YWHAE: variants seen among roughly 807,000 people sequenced by gnomAD.
YWHAE encodes the protein 14-3-3 protein epsilon.
In YWHAE, 4 loss-of-function variants were observed where a neutral mutation model predicts 30.1. The observed-to-expected ratio is 0.13, with a 90% CI of 0.07 to 0.30. The LOEUF (loss-of-function observed/expected upper bound fraction) is 0.30, where lower values mean the gene tolerates loss of function less well. Among genes scored for constraint, YWHAE ranks in the 10% least tolerant of loss-of-function variants. The pLI is 1.00. For missense variants in YWHAE, 121 were observed against 315.9 expected (o/e 0.38, Z 4.68); for synonymous variants, 118 against 111.8 (o/e 1.06, Z -0.35).
intron 1 of YWHAE, among the ~76,000 whole-genome samples, chr17:1,368,085 T>A (rs961220482): frequency 7.2e-5 from 11 of 151,820 alleles, no homozygotes; most frequent in Non-Finnish European, 1.2e-4. Context: ...ACCCCGTCTC[T>A]ACTAAAAATA....
chr17:1,366,778 C>T (rs1221265305), intron 1 of YWHAE, among the ~76,000 whole-genome samples: 2 of 151,940 alleles, frequency 1.3e-5, no homozygotes, highest in African/African-American at 4.8e-5. Context: ...CCCGTCTCTA[C>T]TAAAAATACA....
chr17:1,384,465 G>A (rs1228256184), intron 1 of YWHAE, among the ~76,000 whole-genome samples: 6 of 151,440 alleles, frequency 4.0e-5, no homozygotes, highest in African/African-American at 9.7e-5. Context: ...GCCAAGGCGG[G>A]CAGATCACAA....
At chr17:1,359,125 G>A (rs1480808879) in intron 4 of YWHAE, among the ~76,000 whole-genome samples, 1 of 151,688 alleles carries the variant, frequency 6.6e-6, no homozygotes, top group African/African-American at 2.4e-5. Context: ...GACAGTGCCA[G>A]GCTCTCCCTC....
intron 1 of YWHAE, among the ~76,000 whole-genome samples, chr17:1,381,594 C>A (rs930047176): frequency 1.3e-5 from 2 of 151,924 alleles, no homozygotes; most frequent in African/African-American, 4.8e-5. Flanking sequence ...GAATTTCAAA[C>A]TATCAACTAA....
At chr17:1,349,425 T>C (rs887201053) in intron 5 of YWHAE, among the ~76,000 whole-genome samples, 21 of 152,218 alleles carry the variant, frequency 1.4e-4, no homozygotes, top group Admixed American at 1.4e-3. Flanking sequence ...TATTCAGAGT[T>C]TGTTAGTTGT....
rs1437904128 is a variant in YWHAE, at chr17:1,344,804, C to A, written c.*643G>T. 8.6e-6 allele frequency: 2 copies of A among 233,040 alleles called. No individual in the cohort carries two copies. The highest frequency in any genetic ancestry group is 1.7e-5 in the Non-Finnish European group (2 of 117,746). 14.4% of individuals were successfully genotyped at this position (233,040 alleles called of 1,614,324 possible). ...AGGCTTTTCCATACCACCTTCAACGCTAACCTGCTTCAGTGGGAGAGTAAA... is the reference window on the plus strand; with the variant it reads ...AGGCTTTTCCATACCACCTTCAACGATAACCTGCTTCAGTGGGAGAGTAAA... On this transcript the variant is annotated 3_prime_UTR_variant, in exon 6 of 6. Coordinates refer to ENST00000264335, the MANE Select transcript of YWHAE (RefSeq NM_006761.5).
chr17:1,370,119 C>CTTTTTT (rs538497835), intron 1 of YWHAE, among the ~76,000 whole-genome samples: 9 of 76,348 alleles, frequency 1.2e-4, no homozygotes, highest in African/African-American at 3.6e-4. Context: ...CACAGAAAAA[C>CTTTTTT]TTTTTTTTTT....
Position 1,361,175 on chromosome 17 carries a change from T to C in YWHAE, c.495A>G (p.Pro165=), listed in dbSNP as rs2072858482. 1.2e-6 allele frequency: 2 copies of C among 1,614,016 alleles called. No individual in the cohort carries two copies. Among genetic ancestry groups the C allele is most frequent in the Non-Finnish European group, 1.7e-6 (2 of 1,180,038 alleles). Residue 165 remains proline, a synonymous_variant, in exon 4 of 6, where the codon CCA becomes CCG. Coordinates refer to ENST00000264335, the MANE Select transcript of YWHAE (RefSeq NM_006761.5). ...CAAGACCTAAGCGAATAGGATGCGT[T>C]GGTGGAAGTTCTGTCATTGCAATAT... ...ASDIAMTELP[P]THPIRLGLAL... is the part of the protein sequence containing the mutation.
At position 1,345,227 on chromosome 17, in the gene YWHAE, A is replaced by T; in HGVS notation, c.*220T>A. On this transcript the variant is annotated 3_prime_UTR_variant, in exon 6 of 6. Coordinates refer to ENST00000264335, the MANE Select transcript of YWHAE (RefSeq NM_006761.5). ...CTGTTAGTGTCTTAAAGAACCTAAA[A>T]GCTGGGACCAGTAAAATCCACAGAA... 1.7e-6 allele frequency: 1 copy of T among 574,898 alleles called. No homozygotes were observed. Among genetic ancestry groups the T allele is most frequent in the Non-Finnish European group, 3.1e-6 (1 of 326,796 alleles). The allele number at this position is 574,898 out of a possible 1,614,324, so 35.6% of individuals were successfully genotyped here. A position where few individuals can be genotyped will look rare whatever the true frequency, so the allele number is the denominator to read the frequency against.
At chr17:1,351,248 A>C (rs1484773660) in intron 5 of YWHAE, among the ~76,000 whole-genome samples, 1 of 151,912 alleles carries the variant, frequency 6.6e-6, no homozygotes, top group Non-Finnish European at 1.5e-5. Context: ...CTGTAGTCCC[A>C]GCTACTAGGG....
At chr17:1,392,825 GA>G (rs1394751348) in intron 1 of YWHAE, among the ~76,000 whole-genome samples, 1 of 150,652 alleles carries the variant, frequency 6.6e-6, no homozygotes, top group Non-Finnish European at 1.5e-5. Context: ...ACTCCAGCCT[GA>G]ATGACAAGAG....
chr17:1,346,749 A>G (rs7214298), intron 5 of YWHAE, among the ~76,000 whole-genome samples: 23,587 of 151,264 alleles, frequency 0.16, 2,346 homozygotes, highest in Admixed American at 0.26. Flanking sequence ...CACTTTGGGA[A>G]GCAAAGGCGG....
In YWHAE at chr17:1,379,269, GAGCTGAGGAGTCTA is replaced by G. The variant is rs528846134; in HGVS notation, c.65-14225_65-14212del. On this transcript the variant is annotated intron_variant, in intron 1 of 5. Coordinates refer to ENST00000264335, the MANE Select transcript of YWHAE (RefSeq NM_006761.5). ...GGAGGATGAAGCGGGCAGGCTGCTT[GAGCTGAGGAGTCTA>G]AGCCCAGTCTGGGGAGCACGGCAAA... 7.6e-4 allele frequency among the ~76,000 whole-genome samples: 115 copies of G among 152,238 alleles called. 1 individual carries two copies. Among genetic ancestry groups the G allele is most frequent in the African/African-American group, 2.6e-3 (109 of 41,544 alleles).
At chr17:1,383,054 A>G (rs1001591882) in intron 1 of YWHAE, among the ~76,000 whole-genome samples, 2 of 151,534 alleles carry the variant, frequency 1.3e-5, no homozygotes, top group South Asian at 2.1e-4. Context: ...AAGGCAAAAC[A>G]AAAGTGGAAA....
intron 5 of YWHAE, chr17:1,352,209 T>C (rs1022753024): frequency 5.3e-5 from 8 of 152,176 alleles, no homozygotes; most frequent in African/African-American, 1.7e-4. Context: ...TCTGGCACTG[T>C]TGCAAGTGTG....
At chr17:1,382,827 C>A (rs2073235996) in intron 1 of YWHAE, among the ~76,000 whole-genome samples, 1 of 152,028 alleles carries the variant, frequency 6.6e-6, no homozygotes, top group Non-Finnish European at 1.5e-5. Flanking sequence ...GAGATCGAGA[C>A]CAGCCTGGCC....
chr17:1,400,198 A>G lies in YWHAE; in HGVS notation c.-88T>C, dbSNP rs558537865. The G allele has an allele frequency of 6.6e-7, 1 of 1,520,424 alleles. No individual in the cohort carries two copies. Among genetic ancestry groups the G allele is most frequent in the East Asian group, 2.3e-5 (1 of 44,228 alleles). 94.2% of individuals were successfully genotyped at this position (1,520,424 alleles called of 1,614,324 possible). On this transcript the variant is annotated 5_prime_UTR_variant, in exon 1 of 6. Transcript: ENST00000264335. ...TCAGCCTCTCGCTCCGCGTCCGGGC[A>G]GCAAAAATGGCGGCGCCTCAATCCG... is the stretch of plus-strand genomic sequence containing the variant.
chr17:1,362,829 C>G (rs958282433), intron 2 of YWHAE, among the ~76,000 whole-genome samples: 3 of 152,088 alleles, frequency 2.0e-5, no homozygotes, highest in African/African-American at 7.2e-5. Context: ...TAAACGACAT[C>G]CCTGACAGCT....
At chr17:1,383,337 C>T (rs1055785457) in intron 1 of YWHAE, among the ~76,000 whole-genome samples, 2 of 150,894 alleles carry the variant, frequency 1.3e-5, no homozygotes, top group Admixed American at 6.6e-5. Context: ...GCAACAAGAG[C>T]GAAACTCCGT....
Sources: allele counts gnomAD v4.1 joint callset (sites outside exome capture counted in the v4.1 genomes callset), GRCh38; gene constraint gnomAD v4.1.1; transcripts MANE v1.5; gene names NCBI Gene and HGNC (gene_info 2026-07-23, HGNC 2026-07-21).